FRMD3: variants seen among roughly 807,000 people sequenced by gnomAD.
FRMD3 encodes the protein FERM domain-containing protein 3.
FRMD3 carries 33 observed loss-of-function variants against 70.2 expected under a neutral mutation model. That is an observed-to-expected ratio of 0.47 (90% CI 0.36 to 0.63). The LOEUF (loss-of-function observed/expected upper bound fraction) is 0.63. Among genes scored for constraint, FRMD3 ranks in the 20% least tolerant of loss-of-function variants. FRMD3 has a pLI of 0.00. For synonymous variants in FRMD3, 279 were observed against 255.9 expected, an observed-to-expected ratio of 1.09 and a Z score of -0.86; for missense variants, 632 against 711.4, an observed-to-expected ratio of 0.89 and a Z score of 1.27.
chr9:83,261,572 C>T (rs970115242), intron 13 of FRMD3, among the ~76,000 whole-genome samples: 4 of 152,150 alleles, frequency 2.6e-5, no homozygotes, highest in Non-Finnish European at 5.9e-5. Context: ...TTGTGAGGGC[C>T]TAAACTCTCT....
chr9:83,467,531 C>A, intron 1 of FRMD3: 1 of 891,236 alleles, frequency 1.1e-6, no homozygotes, highest in Non-Finnish European at 1.8e-6. Flanking sequence ...GAAAATAATT[C>A]AAAACATTGC....
At chr9:83,284,543 G>T (rs1834112396) in intron 13 of FRMD3, among the ~76,000 whole-genome samples, 1 of 152,182 alleles carries the variant, frequency 6.6e-6, no homozygotes. Context: ...AGGAGGCAGA[G>T]GTTGCAGTGA....
intron 1 of FRMD3, among the ~76,000 whole-genome samples, chr9:83,514,263 C>A (rs908909235): frequency 3.9e-5 from 6 of 152,140 alleles, no homozygotes; most frequent in Non-Finnish European, 8.8e-5. Context: ...CTGGAATGCT[C>A]GAGCTTGGTG....
chr9:83,544,548 C>T, the FRMD3 span, among the ~76,000 whole-genome samples: 8 of 152,188 alleles, frequency 5.3e-5, no homozygotes, highest in African/African-American at 1.9e-4. Flanking sequence ...TACCCATCTG[C>T]GTCTGCCACA....
At chr9:83,413,860 T>C (rs1028576314) in intron 1 of FRMD3, among the ~76,000 whole-genome samples, 2 of 152,242 alleles carry the variant, frequency 1.3e-5, no homozygotes, top group African/African-American at 4.8e-5. Context: ...GAGATTTATA[T>C]ATCTCTTGCC....
intron 13 of FRMD3, among the ~76,000 whole-genome samples, chr9:83,273,568 A>C (rs1359241370): frequency 1.4e-5 from 2 of 146,866 alleles, no homozygotes; most frequent in Non-Finnish European, 3.0e-5. Context: ...CCTTCCCTCC[A>C]CTATTGTCCT....
chr9:83,247,904 G>A lies in FRMD3; in HGVS notation c.*14C>T, dbSNP rs78846594. ...AGCATTGAATATAGCCCTTAGTCAC[G>A]TGAGAGATTAACTTCATGAGCAACC... On this transcript the variant is annotated 3_prime_UTR_variant, in exon 14 of 14. Transcript: ENST00000304195. The A allele has an allele frequency of 0.083, 133,385 of 1,611,488 alleles. 6,141 individuals are homozygous for A. The highest frequency in any genetic ancestry group is 0.13 in the East Asian group (6,021 of 44,782).
intron 1 of FRMD3, among the ~76,000 whole-genome samples, chr9:83,465,501 T>A (rs61213861): frequency 0.15 from 23,525 of 152,176 alleles, 1,865 homozygotes; most frequent in East Asian, 0.2. Flanking sequence ...CAGCACAGAT[T>A]CCACACAAAT....
intron 13 of FRMD3, among the ~76,000 whole-genome samples, chr9:83,268,071 C>T (rs1057253211): frequency 6.6e-5 from 10 of 152,184 alleles, no homozygotes; most frequent in African/African-American, 2.2e-4. Flanking sequence ...CAATTAATAT[C>T]GGCTGACTAA....
At chr9:83,491,829 T>C (rs1828833150) in intron 1 of FRMD3, among the ~76,000 whole-genome samples, 1 of 152,176 alleles carries the variant, frequency 6.6e-6, no homozygotes, top group South Asian at 2.1e-4. Flanking sequence ...GTTGTCCTAC[T>C]CAAAGCGTAT....
At position 83,277,444 on chromosome 9, in the gene FRMD3, C is replaced by T. The variant is rs539753194; in HGVS notation, c.1195+13159G>A. ...TAATGGTATGATCATGGCTTACTGT[C>T]GCCTCAAATTCCCAGGCTCAAGTGA... On this transcript the variant is annotated intron_variant, in intron 13 of 13. Transcript: ENST00000304195. Among the ~76,000 whole-genome samples the T allele has an allele frequency of 1.2e-3, 180 of 152,218 alleles. 1 individual carries two copies. The highest frequency in any genetic ancestry group is 4.0e-3 in the African/African-American group (166 of 41,544).
At position 83,357,296 on chromosome 9, in the gene FRMD3, T is replaced by TAA. The variant is rs1564032968; in HGVS notation, c.296-7541_296-7540dup. On this transcript the variant is annotated intron_variant, in intron 3 of 13. Coordinates refer to ENST00000304195, the MANE Select transcript of FRMD3 (RefSeq NM_174938.6). ...ATATATATATATATATATATATATA[T>TAA]AAAACATTTTCTTTATCCACTCATT... Among the ~76,000 whole-genome samples, 20 of 79,588 alleles carry TAA rather than the reference T, an allele frequency of 2.5e-4. 2 individuals are homozygous for TAA. The highest frequency in any genetic ancestry group is 8.7e-4 in the South Asian group (2 of 2,304). 52.2% of individuals were successfully genotyped at this position (79,588 alleles called of 152,430 possible).
chr9:83,341,959 G>A (rs185951797), intron 5 of FRMD3, among the ~76,000 whole-genome samples: 2 of 151,974 alleles, frequency 1.3e-5, no homozygotes, highest in East Asian at 1.9e-4. Context: ...GTTGTGGTAG[G>A]CAGATGATCA....
rs370989004 is a variant in FRMD3, at chr9:83,343,059, C to T, written c.472+131G>A. On this transcript the variant is annotated intron_variant, in intron 5 of 13. Coordinates refer to ENST00000304195, the MANE Select transcript of FRMD3 (RefSeq NM_174938.6). Reference sequence around the variant, plus strand: ...AAGGTGAGTTGGGGTTCTGTTGCTACGTACCCAGCCCTACATGGTCTCCAG... The same window carrying T: ...AAGGTGAGTTGGGGTTCTGTTGCTATGTACCCAGCCCTACATGGTCTCCAG... The T allele has an allele frequency of 1.8e-4, 126 of 696,306 alleles. 1 individual carries two copies. Among genetic ancestry groups the T allele is most frequent in the East Asian group, 2.5e-4 (10 of 39,850 alleles). The allele number at this position is 696,306 out of a possible 1,614,324, so 43.1% of individuals were successfully genotyped here.
intron 1 of FRMD3, among the ~76,000 whole-genome samples, chr9:83,522,594 T>C (rs990505874): frequency 6.7e-6 from 1 of 150,058 alleles, no homozygotes; most frequent in African/African-American, 2.4e-5. Context: ...GATGGAGTCT[T>C]GTTCTGTCGC....
In FRMD3 at chr9:83,245,442, A is replaced by C. The variant is rs1832047560; in HGVS notation, c.*2476T>G. 1.0e-6 allele frequency: 1 copy of C among 985,202 alleles called. No individual in the cohort carries two copies. The highest frequency in any genetic ancestry group is 1.2e-6 in the Non-Finnish European group (1 of 829,854). The allele number at this position is 985,202 out of a possible 1,614,324, so 61.0% of individuals were successfully genotyped here. Reference sequence around the variant, plus strand: ...TAACTTTTGATGGCTGTTTAAATTCAGCAGACCCTATTCTGTCAACTTCTT... The same window carrying C: ...TAACTTTTGATGGCTGTTTAAATTCCGCAGACCCTATTCTGTCAACTTCTT... On this transcript the variant is annotated 3_prime_UTR_variant, in exon 14 of 14. Coordinates refer to ENST00000304195, the MANE Select transcript of FRMD3 (RefSeq NM_174938.6).
chr9:83,395,095 T>G (rs1825775877), intron 1 of FRMD3, among the ~76,000 whole-genome samples: 1 of 152,174 alleles, frequency 6.6e-6, no homozygotes, highest in African/African-American at 2.4e-5. Context: ...AATCCTGCCC[T>G]TTGTAAAATG....
chr9:83,319,981 T>C (rs1221992613), intron 6 of FRMD3, among the ~76,000 whole-genome samples: 1 of 152,350 alleles, frequency 6.6e-6, no homozygotes, highest in East Asian at 1.9e-4. Flanking sequence ...TGTATAATAA[T>C]ACTACCGATT....
At chr9:83,570,345 CTG>C in the FRMD3 span, among the ~76,000 whole-genome samples, 1 of 152,132 alleles carries the variant, frequency 6.6e-6, no homozygotes, top group Admixed American at 6.5e-5. Flanking sequence ...GTAAAGATGA[CTG>C]TTGCAATTCA....
Sources: gnomAD v4.1 joint callset for allele counts (sites outside exome capture counted in the v4.1 genomes callset) on GRCh38, gnomAD v4.1.1 for gene constraint, MANE v1.5 for transcripts, NCBI Gene and HGNC (gene_info 2026-07-23, HGNC 2026-07-21) for gene names.